Variants in FAM193A observed in about 807,000 individuals in gnomAD.
FAM193A encodes family with sequence similarity 193 member A.
A neutral mutation model predicts 126.5 loss-of-function variants in FAM193A; 22 were observed. The ratio of observed to expected loss-of-function variants is 0.17; its 90% CI spans 0.12 to 0.25. FAM193A has a LOEUF of 0.25. FAM193A is among the 10% of genes least tolerant of loss of function. The pLI is 1.00. For missense variants in FAM193A, 1,675 were observed against 1,672.8 expected, an observed-to-expected ratio of 1.00 and a Z score of -0.02; for synonymous variants, 761 against 646.8, an observed-to-expected ratio of 1.18 and a Z score of -2.68.
intron 12 of FAM193A, among the ~76,000 whole-genome samples, chr4:2,671,692 T>C (rs555721240): frequency 6.6e-6 from 1 of 152,240 alleles, no homozygotes; most frequent in South Asian, 2.1e-4. Context: ...ACCTCTTCAC[T>C]CCACCGTAAC....
At chr4:2,638,773 T>C (rs34693236) in intron 5 of FAM193A, among the ~76,000 whole-genome samples, 120,358 of 152,160 alleles carry the variant, frequency 0.79, 47,715 homozygotes, top group Middle Eastern at 0.86. Flanking sequence ...CTAGGGTTAT[T>C]AGGTGACATA....
chr4:2,564,300 C>T (rs1231316426), intron 1 of FAM193A, among the ~76,000 whole-genome samples: 1 of 151,906 alleles, frequency 6.6e-6, no homozygotes, highest in East Asian at 1.9e-4. Flanking sequence ...CCAGGCTGGT[C>T]TCAAACTCCT....
chr4:2,650,982 G>C (rs1157429019), intron 7 of FAM193A, among the ~76,000 whole-genome samples: 2 of 152,160 alleles, frequency 1.3e-5, no homozygotes, highest in Non-Finnish European at 2.9e-5. Context: ...ATCCACTGGA[G>C]GGTGGCATCA....
intron 1 of FAM193A, among the ~76,000 whole-genome samples, chr4:2,549,394 TC>T (rs1737764824): frequency 6.8e-6 from 1 of 146,204 alleles, no homozygotes; most frequent in Admixed American, 6.8e-5. Context: ...TTTCTTTTTT[TC>T]TTTTTTTTTT....
chr4:2,610,231 AAAAAC>A (rs1017032755), intron 2 of FAM193A, among the ~76,000 whole-genome samples: 4 of 152,178 alleles, frequency 2.6e-5, no homozygotes, highest in South Asian at 2.1e-4. Context: ...ACTCTGTCTC[AAAAAC>A]AAAACAAAAC....
At chr4:2,607,017 TCA>T (rs1355662757) in intron 2 of FAM193A, among the ~76,000 whole-genome samples, 1 of 152,164 alleles carries the variant, frequency 6.6e-6, no homozygotes, top group East Asian at 1.9e-4. Context: ...GGCCCATCAG[TCA>T]CTTTTTGAAG....
At position 2,732,054 on chromosome 4, in the gene FAM193A, C is replaced by A. The variant is rs1721461704; in HGVS notation, c.*186C>A. ...CGCCGTTAGCTCGTGTGCGTGTAGT[C>A]TGTGCGTGAGACTCCTTCGATTGTA... On this transcript the variant is annotated 3_prime_UTR_variant, in exon 21 of 21. Coordinates refer to ENST00000637812, the MANE Select transcript of FAM193A (RefSeq NM_001366318.2). 2.9e-5 allele frequency: 18 copies of A among 617,558 alleles called. No individual in the cohort carries two copies. The South Asian group carries it at 3.3e-4, about 11-fold the overall frequency. 38.3% of individuals were successfully genotyped at this position (617,558 alleles called of 1,614,324 possible).
chr4:2,708,030 G>C (rs1577246891), intron 19 of FAM193A: 1 of 340,788 alleles, frequency 2.9e-6, no homozygotes, highest in Non-Finnish European at 6.0e-6. Flanking sequence ...GATTACAGGC[G>C]TGAGCCACTG....
chr4:2,609,696 G>A (rs139484725), intron 2 of FAM193A, among the ~76,000 whole-genome samples: 4,619 of 152,270 alleles, frequency 0.03, 114 homozygotes, highest in Non-Finnish European at 0.043. Context: ...TTGGGAGGCC[G>A]AGGCGGGTGG....
At chr4:2,537,364 G>T (rs1736943129) in intron 1 of FAM193A, among the ~76,000 whole-genome samples, 194 bp downstream of exon 1, 1 of 152,192 alleles carries the variant, frequency 6.6e-6, no homozygotes, top group Non-Finnish European at 1.5e-5. Flanking sequence ...TGCTCGGCGT[G>T]ACGCGGCCTC....
intron 12 of FAM193A, among the ~76,000 whole-genome samples, chr4:2,671,783 ATC>A (rs1713823257): frequency 6.6e-6 from 1 of 152,228 alleles, no homozygotes; most frequent in Non-Finnish European, 1.5e-5. Flanking sequence ...GAGCACAGCC[ATC>A]CCCTCTCTAC....
chr4:2,597,331 C>T (rs1200827664), intron 2 of FAM193A, among the ~76,000 whole-genome samples: 1 of 152,098 alleles, frequency 6.6e-6, no homozygotes, highest in East Asian at 1.9e-4. Context: ...TTATGGTTTT[C>T]TTTGTGTGGT....
intron 2 of FAM193A, among the ~76,000 whole-genome samples, chr4:2,604,964 ATTT>A (rs112923916): frequency 7.5e-6 from 1 of 132,864 alleles, no homozygotes; most frequent in Non-Finnish European, 1.6e-5. Context: ...GTCCTGGATG[ATTT>A]TTTTTTTTTT....
At chr4:2,592,390 C>G (rs1179910662) in intron 1 of FAM193A, among the ~76,000 whole-genome samples, 3 of 152,154 alleles carry the variant, frequency 2.0e-5, no homozygotes, top group Non-Finnish European at 2.9e-5. Context: ...GCCCAGCCTG[C>G]TACATTTATT....
At chr4:2,724,477 A>G (rs1038016970) in intron 20 of FAM193A, among the ~76,000 whole-genome samples, 3 of 152,180 alleles carry the variant, frequency 2.0e-5, no homozygotes, top group Admixed American at 2.0e-4. Flanking sequence ...TTGAGTTACC[A>G]TGTTAGTCAG....
At chr4:2,722,351 C>T (rs1044621197) in intron 20 of FAM193A, among the ~76,000 whole-genome samples, 13 of 152,160 alleles carry the variant, frequency 8.5e-5, no homozygotes, top group South Asian at 2.1e-4. Flanking sequence ...TAGAGAGCAG[C>T]GTGAGCTCTG....
chr4:2,690,357 T>G (rs1033004581), intron 14 of FAM193A, among the ~76,000 whole-genome samples: 1 of 152,172 alleles, frequency 6.6e-6, no homozygotes, highest in East Asian at 1.9e-4. Flanking sequence ...GATCTGTGCT[T>G]AGGAAGGATT....
At chr4:2,715,091 C>G (rs1179808500) in intron 19 of FAM193A, among the ~76,000 whole-genome samples, 1 of 152,192 alleles carries the variant, frequency 6.6e-6, no homozygotes, top group Non-Finnish European at 1.5e-5. Flanking sequence ...CAATGATTTC[C>G]CTGCTATCCT....
intron 19 of FAM193A, among the ~76,000 whole-genome samples, chr4:2,705,429 C>CA (rs1210571274): frequency 6.6e-6 from 1 of 151,728 alleles, no homozygotes; most frequent in African/African-American, 2.4e-5. Context: ...TAAAGAGGAA[C>CA]ACACCCATGC....
Sources: gnomAD v4.1 joint callset for allele counts (sites outside exome capture counted in the v4.1 genomes callset) on GRCh38, gnomAD v4.1.1 for gene constraint, MANE v1.5 for transcripts, NCBI Gene and HGNC (gene_info 2026-07-23, HGNC 2026-07-21) for gene names.